CACNA1E: variants seen among roughly 807,000 people sequenced by gnomAD.
CACNA1E encodes the protein calcium voltage-gated channel subunit alpha1 E.
CACNA1E carries 40 observed loss-of-function variants against 259.2 expected under a neutral mutation model. The ratio of observed to expected loss-of-function variants is 0.15; its 90% confidence interval spans 0.12 to 0.20. The LOEUF (loss-of-function observed/expected upper bound fraction) is 0.20. CACNA1E is among the 10% of genes least tolerant of loss of function. The pLI is 1.00. For missense variants in CACNA1E, 1,874 were observed against 3,040.1 expected (o/e 0.62, Z 9.02); for synonymous variants, 1,104 against 1,138.5 (o/e 0.97, Z 0.61).
upstream of CACNA1E, among the ~76,000 whole-genome samples, chr1:181,482,024 G>A (rs1260888213): frequency 6.6e-6 from 1 of 152,158 alleles, no homozygotes; most frequent in Non-Finnish European, 1.5e-5. Context: ...GAACCGGGAG[G>A]CCGCCCCGTG....
At chr1:181,724,184 G>A (rs1654672509) in intron 16 of CACNA1E, among the ~76,000 whole-genome samples, 1 of 152,142 alleles carries the variant, frequency 6.6e-6, no homozygotes, top group African/African-American at 2.4e-5. Flanking sequence ...TCACAGTATC[G>A]TAATTTTCCT....
chr1:181,775,412 G>A (rs980381284), intron 37 of CACNA1E, among the ~76,000 whole-genome samples: 3 of 152,140 alleles, frequency 2.0e-5, no homozygotes, highest in Admixed American at 1.3e-4. Context: ...TCCTGCCCCT[G>A]GTAGATTCAG....
chr1:181,498,154 G>A (rs1664935778), intron 1 of CACNA1E, among the ~76,000 whole-genome samples: 1 of 152,174 alleles, frequency 6.6e-6, no homozygotes, highest in African/African-American at 2.4e-5. Flanking sequence ...ATAGTGTGGA[G>A]GTGGCAGCTT....
intron 1 of CACNA1E, among the ~76,000 whole-genome samples, chr1:181,326,610 A>G (rs1296517519): frequency 6.6e-6 from 1 of 152,054 alleles, no homozygotes; most frequent in Non-Finnish European, 1.5e-5. Flanking sequence ...TGGTCCACAC[A>G]TCCCTCCCTT....
intron 2 of CACNA1E, among the ~76,000 whole-genome samples, chr1:181,417,949 T>G (rs1404658988): frequency 1.3e-5 from 2 of 152,076 alleles, no homozygotes; most frequent in Non-Finnish European, 2.9e-5. Flanking sequence ...ATGAGCCCCT[T>G]TGTTTATTCT....
At chr1:181,535,790 C>T (rs1464268309) in intron 3 of CACNA1E, among the ~76,000 whole-genome samples, 1 of 151,718 alleles carries the variant, frequency 6.6e-6, no homozygotes, top group Non-Finnish European at 1.5e-5. Flanking sequence ...CGGGTTCCAG[C>T]GATTTTCCTG....
intron 6 of CACNA1E, among the ~76,000 whole-genome samples, chr1:181,610,203 A>G (rs913871099): frequency 6.6e-6 from 1 of 152,216 alleles, no homozygotes; most frequent in African/African-American, 2.4e-5. Context: ...GAGTCTGTAG[A>G]CTGGGCATAC....
At chr1:181,612,274 G>A (rs1654817468) in intron 6 of CACNA1E, among the ~76,000 whole-genome samples, 1 of 152,190 alleles carries the variant, frequency 6.6e-6, no homozygotes, top group Non-Finnish European at 1.5e-5. Flanking sequence ...GCAGCCTAAT[G>A]CCACTGACTA....
chr1:181,636,786 AG>A (rs1657253010), intron 6 of CACNA1E, among the ~76,000 whole-genome samples: 1 of 152,206 alleles, frequency 6.6e-6, no homozygotes, highest in Non-Finnish European at 1.5e-5. Context: ...CAGAACCCTC[AG>A]GCTGGGGTGT....
chr1:181,697,810 C>T (rs1461702154), intron 7 of CACNA1E, among the ~76,000 whole-genome samples: 1 of 152,214 alleles, frequency 6.6e-6, no homozygotes, highest in Non-Finnish European at 1.5e-5. Context: ...TGCAGATAGG[C>T]ATTGGTCCAT....
chr1:181,588,676 A>T (rs1652332953), intron 6 of CACNA1E, among the ~76,000 whole-genome samples: 1 of 152,184 alleles, frequency 6.6e-6, no homozygotes, highest in Non-Finnish European at 1.5e-5. Context: ...GTGCATAGCC[A>T]TTAGGCTGGC....
intron 44 of CACNA1E, among the ~76,000 whole-genome samples, chr1:181,792,244 C>T (rs1169242235): frequency 2.0e-5 from 3 of 151,932 alleles, no homozygotes; most frequent in African/African-American, 4.8e-5. Flanking sequence ...ATCATTTCTG[C>T]GGGTTCCCCA....
intron 6 of CACNA1E, among the ~76,000 whole-genome samples, chr1:181,632,331 T>C (rs939869884): frequency 1.3e-5 from 2 of 151,964 alleles, no homozygotes; most frequent in African/African-American, 4.8e-5. Context: ...AGAATACAGG[T>C]TTGGGAGTAA....
At chr1:181,334,301 G>C (rs529370974) in intron 1 of CACNA1E, among the ~76,000 whole-genome samples, 1 of 152,196 alleles carries the variant, frequency 6.6e-6, no homozygotes, top group South Asian at 2.1e-4. Flanking sequence ...GATACCCCAG[G>C]GTGCAGTCCT....
chr1:181,790,671 A>T (rs1661225225), intron 44 of CACNA1E, 115 bp downstream of exon 44: 9 of 728,470 alleles, frequency 1.2e-5, no homozygotes. Context: ...TAGTTTAGCC[A>T]GTTGCCCTGG....
At position 181,800,363 on chromosome 1, in the gene CACNA1E, C is replaced by T. The variant is rs1274120934; in HGVS notation, c.*1529C>T. The T allele has an allele frequency of 6.5e-6, 1 of 152,672 alleles. No homozygotes were observed. Among genetic ancestry groups the T allele is most frequent in the Non-Finnish European group, 1.5e-5 (1 of 68,060 alleles). 9.5% of individuals were successfully genotyped at this position (152,672 alleles called of 1,614,324 possible). On this transcript the variant is annotated 3_prime_UTR_variant, in exon 48 of 48. Transcript: ENST00000367573. Reference sequence around the variant, plus strand: ...GAGTAAGAGCTGGGGCTGACAGTCCCACCCTGTCATTCCTAATAGCCCAAA... The same window carrying T: ...GAGTAAGAGCTGGGGCTGACAGTCCTACCCTGTCATTCCTAATAGCCCAAA...
intron 6 of CACNA1E, among the ~76,000 whole-genome samples, chr1:181,620,595 C>CTA (rs1361648623): frequency 6.6e-6 from 1 of 152,158 alleles, no homozygotes; most frequent in Non-Finnish European, 1.5e-5. Context: ...ATGGATTGTG[C>CTA]TATACTCATG....
chr1:181,657,969 C>G (rs1367725383), intron 7 of CACNA1E, among the ~76,000 whole-genome samples: 1 of 152,330 alleles, frequency 6.6e-6, no homozygotes, highest in Non-Finnish European at 1.5e-5. Context: ...ATAACTCTGG[C>G]CCCCAGAGAA....
intron 1 of CACNA1E, chr1:181,318,217 G>A (rs1571546586): frequency 6.6e-6 from 1 of 152,074 alleles, no homozygotes; most frequent in East Asian, 1.9e-4. Context: ...GCGGCGCCAC[G>A]GGTCTGGCCC....
Sources: allele counts gnomAD v4.1 joint callset (sites outside exome capture counted in the v4.1 genomes callset), GRCh38; gene constraint gnomAD v4.1.1; transcripts MANE v1.5; gene names NCBI Gene and HGNC (gene_info 2026-07-23, HGNC 2026-07-21).